Variants in CYLD observed in about 807,000 individuals in gnomAD.
CYLD encodes the protein ubiquitin carboxyl-terminal hydrolase CYLD.
CYLD carries 26 observed loss-of-function variants against 104.5 expected under a neutral mutation model. The ratio of observed to expected loss-of-function variants is 0.25; its 90% CI spans 0.18 to 0.35. CYLD has a LOEUF of 0.35. Among genes scored for constraint, CYLD ranks in the 10% least tolerant of loss-of-function variants. CYLD has a pLI of 1.00. For missense variants in CYLD, 703 were observed against 1,136.1 expected, an observed-to-expected ratio of 0.62 and a Z score of 5.48; for synonymous variants, 385 against 399.9, an observed-to-expected ratio of 0.96 and a Z score of 0.45.
intron 5 of CYLD, among the ~76,000 whole-genome samples, chr16:50,774,159 C>T (rs1190640130): frequency 6.6e-6 from 1 of 152,172 alleles, no homozygotes; most frequent in South Asian, 2.1e-4. Context: ...ATGTTATATG[C>T]AGTTAATTAC....
At chr16:50,761,734 G>A (rs962018691) in intron 5 of CYLD, among the ~76,000 whole-genome samples, 1 of 56,440 alleles carries the variant, frequency 1.8e-5, no homozygotes, top group Admixed American at 1.9e-4. Context: ...TGTGGTTTTA[G>A]TACATATCTC....
At chr16:50,751,550 T>C in intron 3 of CYLD, 54 bp from the exon 4 acceptor site, 1 of 1,553,824 alleles carries the variant, frequency 6.4e-7, no homozygotes, top group Non-Finnish European at 8.9e-7. Flanking sequence ...GAACCCCTTT[T>C]CCTATGGATC....
At chr16:50,767,163 A>G (rs1024601338) in intron 5 of CYLD, among the ~76,000 whole-genome samples, 2 of 152,246 alleles carry the variant, frequency 1.3e-5, no homozygotes, top group African/African-American at 4.8e-5. Context: ...GTCAGCACCC[A>G]TCCACACTGA....
chr16:50,754,244 T>G, intron 4 of CYLD, 75 bp from the exon 5 acceptor site: 1 of 980,832 alleles, frequency 1.0e-6, no homozygotes, highest in Non-Finnish European at 1.6e-6. Flanking sequence ...TTTGGAGGAT[T>G]CTTTATGGAA....
intron 5 of CYLD, among the ~76,000 whole-genome samples, chr16:50,756,808 C>T (rs905754886): frequency 2.0e-5 from 3 of 152,146 alleles, no homozygotes; most frequent in African/African-American, 7.2e-5. Context: ...ATCCCCATTT[C>T]GCTGATAAAA....
chr16:50,788,705 G>C (rs889638287), intron 14 of CYLD, among the ~76,000 whole-genome samples: 2 of 152,110 alleles, frequency 1.3e-5, no homozygotes, highest in Non-Finnish European at 2.9e-5. Context: ...AAAAATCCTA[G>C]AGAATGGCCT....
At chr16:50,771,946 C>A (rs556296714) in intron 5 of CYLD, among the ~76,000 whole-genome samples, 2 of 152,168 alleles carry the variant, frequency 1.3e-5, no homozygotes, top group African/African-American at 4.8e-5. Context: ...ACCACAGTCT[C>A]GATCACTGCG....
At chr16:50,795,476 G>A (rs1029530344) in intron 18 of CYLD, 15 of 698,754 alleles carry the variant, frequency 2.1e-5, no homozygotes, top group Middle Eastern at 2.3e-4. Context: ...TGCAGGTTAA[G>A]ACCAGGCCTG....
chr16:50,776,161 A>C lies in CYLD; in HGVS notation c.923-18A>C, dbSNP rs1567443328. On this transcript the variant is annotated intron_variant, in intron 6 of 18. Coordinates refer to ENST00000427738, the MANE Select transcript of CYLD (RefSeq NM_001378743.1). The stretch of plus-strand genomic sequence containing the variant: ...AAGAATTTGCCTTTATCTTTAAAAA[A>C]CATGCTTACTGTTTCAGAGAGTGTG... The C allele has an allele frequency of 1.3e-6, 2 of 1,569,870 alleles. No individual in the cohort carries two copies. The highest frequency in any genetic ancestry group is 1.3e-5 in the African/African-American group (1 of 74,160).
intron 5 of CYLD, among the ~76,000 whole-genome samples, chr16:50,757,463 G>A (rs1421791083): frequency 1.3e-5 from 2 of 151,938 alleles, no homozygotes; most frequent in Admixed American, 1.3e-4. Context: ...CTTCCCTTTG[G>A]GAACAAATGA....
At chr16:50,742,650 C>A (rs1965806039) in intron 1 of CYLD, 112 bp from the exon 2 acceptor site, 6 of 391,236 alleles carry the variant, frequency 1.5e-5, no homozygotes, top group Admixed American at 1.3e-4. Context: ...TCCTACCGAC[C>A]GCGCCGCGGG....
At chr16:50,744,487 G>C (rs1966011257) in intron 2 of CYLD, among the ~76,000 whole-genome samples, 2 of 152,102 alleles carry the variant, frequency 1.3e-5, no homozygotes, top group Non-Finnish European at 2.9e-5. Context: ...TTATAATTAG[G>C]GGCAGAATTA....
chr16:50,800,727 C>T lies in CYLD; in HGVS notation c.*4219C>T, dbSNP rs1972395772. Reference sequence around the variant, plus strand: ...AAAAATTATATGGGAAGATTTTTCTCTGGGATAACAAATCCTTGTCATAAA... The same window carrying T: ...AAAAATTATATGGGAAGATTTTTCTTTGGGATAACAAATCCTTGTCATAAA... On this transcript the variant is annotated 3_prime_UTR_variant, in exon 19 of 19. Coordinates refer to ENST00000427738, the MANE Select transcript of CYLD (RefSeq NM_001378743.1). The T allele has an allele frequency of 4.3e-6, 1 of 232,826 alleles. No homozygotes were observed. The highest frequency in any genetic ancestry group is 8.5e-6 in the Non-Finnish European group (1 of 117,856). The allele number at this position is 232,826 out of a possible 1,614,324, so 14.4% of individuals were successfully genotyped here.
chr16:50,755,136 C>T (rs1316859539), intron 5 of CYLD, among the ~76,000 whole-genome samples: 4 of 131,250 alleles, frequency 3.0e-5, no homozygotes, highest in African/African-American at 9.0e-5. Flanking sequence ...TATATACACA[C>T]GTGTACATAT....
chr16:50,791,243 A>G (rs557643118), intron 14 of CYLD, among the ~76,000 whole-genome samples: 2 of 152,328 alleles, frequency 1.3e-5, no homozygotes, highest in East Asian at 1.9e-4. Flanking sequence ...GCACTAAGTG[A>G]TTTACCTTTT....
chr16:50,748,864 G>A (rs1445524725), intron 2 of CYLD, among the ~76,000 whole-genome samples: 2 of 152,134 alleles, frequency 1.3e-5, no homozygotes, highest in Non-Finnish European at 2.9e-5. Context: ...ATAGGCATGA[G>A]CCACACAGCT....
At position 50,778,105 on chromosome 16, in the gene CYLD, G is replaced by A. The variant is rs943757771; in HGVS notation, c.1138+164G>A. On this transcript the variant is annotated intron_variant, in intron 8 of 18. Coordinates refer to ENST00000427738, the MANE Select transcript of CYLD (RefSeq NM_001378743.1). ...TATTGTACACAGTTTGAACCGTACTGCTGTTAAGATTATTAAAATGTTTAA... is the reference window on the plus strand; with the variant it reads ...TATTGTACACAGTTTGAACCGTACTACTGTTAAGATTATTAAAATGTTTAA... 3 of 574,450 alleles carry A rather than the reference G, an allele frequency of 5.2e-6. No homozygotes were observed. In the African/African-American group the frequency reaches 5.6e-5, roughly 11 times the overall value. 35.6% of individuals were successfully genotyped at this position (574,450 alleles called of 1,614,324 possible).
At chr16:50,775,076 T>C (rs561008468) in intron 5 of CYLD, 90 bp from the exon 6 acceptor site, 4 of 1,049,832 alleles carry the variant, frequency 3.8e-6, no homozygotes, top group Non-Finnish European at 4.3e-6. Context: ...GAAAAGTCTT[T>C]TCCTTGTGTT....
rs531654617 is a variant in CYLD, at chr16:50,784,551, G to A, written c.1949+100G>A. 340 of 1,267,448 alleles carry A rather than the reference G, an allele frequency of 2.7e-4. 4 individuals carry two copies. In the South Asian group the frequency reaches 4.0e-3, roughly 15 times the overall value. 78.5% of individuals were successfully genotyped at this position (1,267,448 alleles called of 1,614,324 possible). On this transcript the variant is annotated intron_variant, in intron 12 of 18. Coordinates refer to ENST00000427738, the MANE Select transcript of CYLD (RefSeq NM_001378743.1). ...TATACCTTGTCTTCATGTAATAAGA[G>A]ATGGGTGAAAATTAGTTCTTATGGT...
Sources: gnomAD v4.1 joint callset for allele counts (sites outside exome capture counted in the v4.1 genomes callset) on GRCh38, gnomAD v4.1.1 for gene constraint, MANE v1.5 for transcripts, NCBI Gene and HGNC (gene_info 2026-07-23, HGNC 2026-07-21) for gene names.